Variants in SLC28A3 observed in about 807,000 individuals in gnomAD.
SLC28A3 encodes concentrative Na(+)-nucleoside cotransporter 3.
Under a neutral mutation model 84.2 loss-of-function variants are expected in SLC28A3, and 68 were observed. That is an observed-to-expected ratio of 0.81 (90% CI 0.66 to 0.99). SLC28A3 has a LOEUF of 0.99. Among genes scored for constraint, SLC28A3 ranks in the 50% least tolerant of loss-of-function variants. SLC28A3 has a pLI of 0.00. For missense variants in SLC28A3, 712 were observed against 841.5 expected, an observed-to-expected ratio of 0.85 and a Z score of 1.90; for synonymous variants, 267 against 303.6, an observed-to-expected ratio of 0.88 and a Z score of 1.25.
At chr9:84,312,926 A>G (rs1826038722) in intron 2 of SLC28A3, among the ~76,000 whole-genome samples, 1 of 152,224 alleles carries the variant, frequency 6.6e-6, no homozygotes, top group South Asian at 2.1e-4. Context: ...ACTCCTGTCC[A>G]GAATTCAACA....
At chr9:84,352,002 A>G in the SLC28A3 span, among the ~76,000 whole-genome samples, 1 of 152,188 alleles carries the variant, frequency 6.6e-6, no homozygotes, top group African/African-American at 2.4e-5. Context: ...GATCTTTTCT[A>G]CAAATTTAAC....
the SLC28A3 span, among the ~76,000 whole-genome samples, chr9:84,349,159 G>A: frequency 6.6e-6 from 1 of 152,224 alleles, no homozygotes; most frequent in South Asian, 2.1e-4. Flanking sequence ...GGGATAGGTG[G>A]TGGAGTTAAG....
intron 1 of SLC28A3, among the ~76,000 whole-genome samples, chr9:84,330,490 GT>G (rs1462407182): frequency 6.6e-6 from 1 of 152,140 alleles, no homozygotes; most frequent in African/African-American, 2.4e-5. Flanking sequence ...GTGGCAAGTG[GT>G]TACTGAGTGC....
At chr9:84,341,087 C>T (rs1034957041), upstream of SLC28A3, among the ~76,000 whole-genome samples, 8 of 151,566 alleles carry the variant, frequency 5.3e-5, no homozygotes, top group Non-Finnish European at 1.0e-4. Flanking sequence ...AATTCTCCTG[C>T]CTCAGCCTCT....
At chr9:84,284,523 AAACCAAAT>A (rs933527490) in intron 14 of SLC28A3, among the ~76,000 whole-genome samples, 90 of 152,320 alleles carry the variant, frequency 5.9e-4, no homozygotes, top group South Asian at 1.2e-3. Flanking sequence ...TTTCATTTTT[AAACCAAAT>A]ACATGCCTGG....
intron 5 of SLC28A3, among the ~76,000 whole-genome samples, chr9:84,300,279 A>G (rs1825577577): frequency 1.3e-5 from 2 of 152,216 alleles, no homozygotes; most frequent in East Asian, 3.8e-4. Context: ...GGATGCACAA[A>G]GGGGCCAGAG....
chr9:84,364,867 C>T, the SLC28A3 span, among the ~76,000 whole-genome samples: 1 of 152,174 alleles, frequency 6.6e-6, no homozygotes, highest in Non-Finnish European at 1.5e-5. Context: ...TTTTTTAAGG[C>T]TGAATAGTAT....
chr9:84,285,518 G>C lies in SLC28A3; in HGVS notation c.1474C>G (p.Pro492Ala). Residue 492 changes from proline to alanine, a missense_variant, in exon 14 of 18, where the codon CCC (proline) becomes GCC (alanine). Coordinates refer to ENST00000376238, the MANE Select transcript of SLC28A3 (RefSeq NM_001199633.2). ...FELICSYIFMPFSFMMGVEWQ... is the reference protein window; with the variant it reads ...FELICSYIFMAFSFMMGVEWQ... ...TCCACTCCCATCATGAAGGAAAAGG[G>C]CATGAAGATGTAGGAGCAGATTAGC... 1 of 1,614,134 alleles carries C rather than the reference G, an allele frequency of 6.2e-7. No individual in the cohort carries two copies. The highest frequency in any genetic ancestry group is 8.5e-7 in the Non-Finnish European group (1 of 1,180,006).
chr9:84,294,093 G>A, intron 9 of SLC28A3, 102 bp downstream of exon 9: 1 of 1,012,280 alleles, frequency 9.9e-7, no homozygotes, highest in Non-Finnish European at 1.5e-6. Flanking sequence ...ATGGTAGGAA[G>A]AGAAAGGCAC....
chr9:84,367,634 T>G, the SLC28A3 span, among the ~76,000 whole-genome samples: 3 of 152,250 alleles, frequency 2.0e-5, no homozygotes, highest in African/African-American at 7.2e-5. Context: ...TTGATTTCTA[T>G]TTTTTACTAT....
chr9:84,318,092 A>G (rs976024585), intron 1 of SLC28A3, among the ~76,000 whole-genome samples: 1 of 152,070 alleles, frequency 6.6e-6, no homozygotes, highest in Non-Finnish European at 1.5e-5. Context: ...ATCGTTATCT[A>G]TTGGTCTTGA....
chr9:84,311,875 ACTT>A (rs1218894956), intron 2 of SLC28A3, among the ~76,000 whole-genome samples: 1 of 151,830 alleles, frequency 6.6e-6, no homozygotes, highest in East Asian at 1.9e-4. Context: ...AAAACCCCAC[ACTT>A]CTTATTTGTC....
intron 1 of SLC28A3, among the ~76,000 whole-genome samples, chr9:84,318,161 G>A (rs1291288511): frequency 6.6e-6 from 1 of 152,190 alleles, no homozygotes; most frequent in Non-Finnish European, 1.5e-5. Context: ...TCCTTAGTGT[G>A]AGTTAATGGG....
In SLC28A3 at chr9:84,280,037, G is replaced by A. The variant is rs773885508; in HGVS notation, c.1766C>T (p.Ser589Leu). The part of the protein sequence containing the change: ...MAPSRKRDIA[S>L]GAVRALIAGT... ...CGCAATCAGAGCTCTCACTGCCCCCGAGGCGATATCACGCTTTCTGGAAGG... is the reference window on the plus strand; with the variant it reads ...CGCAATCAGAGCTCTCACTGCCCCCAAGGCGATATCACGCTTTCTGGAAGG... The change falls in exon 16 of 18, where the codon TCG (serine) becomes TTG (leucine). Residue 589 changes from serine to leucine, a missense_variant. Coordinates refer to ENST00000376238, the MANE Select transcript of SLC28A3 (RefSeq NM_001199633.2). 1.5e-5 allele frequency: 25 copies of A among 1,613,850 alleles called. No homozygotes were observed. The highest frequency in any genetic ancestry group is 2.0e-5 in the Non-Finnish European group (24 of 1,180,026).
chr9:84,322,183 C>T (rs937485083), intron 1 of SLC28A3, among the ~76,000 whole-genome samples: 1 of 152,170 alleles, frequency 6.6e-6, no homozygotes, highest in Admixed American at 6.5e-5. Flanking sequence ...CTTCTAAATT[C>T]AAGAACAGGA....
At chr9:84,361,042 G>A in the SLC28A3 span, among the ~76,000 whole-genome samples, 6 of 151,850 alleles carry the variant, frequency 4.0e-5, no homozygotes, top group Non-Finnish European at 8.8e-5. Context: ...AAACCAGAAC[G>A]ATTTTTAGGG....
In SLC28A3 at chr9:84,298,245, G is replaced by C. The variant is rs1825492779; in HGVS notation, c.670-226C>G. 2.6e-5 allele frequency among the ~76,000 whole-genome samples: 4 copies of C among 152,138 alleles called. No homozygotes were observed. In the South Asian group the frequency reaches 8.3e-4, roughly 32 times the overall value. ...CTCATGCCTGTAATCCTAGCACTTT[G>C]GGAGGCCAAAATGGGCAGATCACCT... On this transcript the variant is annotated intron_variant, in intron 6 of 17. Transcript: ENST00000376238.
rs200064702 is a variant in SLC28A3, at chr9:84,295,594, CAAACAAACAAACA to C, written c.862-1332_862-1320del. 1.2e-4 allele frequency among the ~76,000 whole-genome samples: 18 copies of C among 152,084 alleles called. No homozygotes were observed. In the East Asian group the frequency reaches 1.7e-3, roughly 15 times the overall value. On this transcript the variant is annotated intron_variant, in intron 8 of 17. Coordinates refer to ENST00000376238, the MANE Select transcript of SLC28A3 (RefSeq NM_001199633.2). ...CAAGAGTCCATCTCACAAAAACAAA[CAAACAAACAAACA>C]AAACAAACAAACAAAAAACCATTGC...
chr9:84,333,980 G>A (rs1243705584), intron 1 of SLC28A3, among the ~76,000 whole-genome samples: 1 of 152,238 alleles, frequency 6.6e-6, no homozygotes, highest in Non-Finnish European at 1.5e-5. Flanking sequence ...AATGGGATGA[G>A]CTGCAGTTAC....
Sources: gnomAD v4.1 joint callset for allele counts (sites outside exome capture counted in the v4.1 genomes callset) on GRCh38, gnomAD v4.1.1 for gene constraint, MANE v1.5 for transcripts, NCBI Gene and HGNC (gene_info 2026-07-23, HGNC 2026-07-21) for gene names.